The following LATS2 variants were observed in gnomAD, a reference collection of about 807,000 sequenced individuals.
LATS2 encodes the protein large tumor suppressor kinase 2, also known as serine/threonine-protein kinase LATS2.
In LATS2, 24 loss-of-function variants were observed where a neutral mutation model predicts 76.0. That is an observed-to-expected ratio of 0.32 (90% CI 0.23 to 0.44). LATS2 has a LOEUF of 0.44. Among genes scored for constraint, LATS2 ranks in the 20% least tolerant of loss-of-function variants. LATS2 has a pLI of 1.00. For missense variants in LATS2, 1,286 were observed against 1,481.2 expected (o/e 0.87, Z 2.16); for synonymous variants, 692 against 635.4 (o/e 1.09, Z -1.34).
At chr13:20,978,509 C>T (rs1043801295) in intron 7 of LATS2, among the ~76,000 whole-genome samples, 4 of 152,134 alleles carry the variant, frequency 2.6e-5, no homozygotes, top group African/African-American at 4.8e-5. Context: ...CTAGCCTGAC[C>T]ACATAGCTGA....
At chr13:21,030,009 A>G (rs1872458027) in intron 2 of LATS2, among the ~76,000 whole-genome samples, 2 of 151,898 alleles carry the variant, frequency 1.3e-5, no homozygotes, top group African/African-American at 4.8e-5. Flanking sequence ...CTGTAATCCC[A>G]GCTACTCAGG....
In LATS2 at chr13:20,989,042, G is replaced by C. The variant is rs747132216; in HGVS notation, c.738C>G (p.Phe246Leu). ...GCCCGTAGTGCGCGCCCTGCAGCGGGAAGTGTGCCCCTGCTGCCTCTACGC... is the reference window on the plus strand; with the variant it reads ...GCCCGTAGTGCGCGCCCTGCAGCGGCAAGTGTGCCCCTGCTGCCTCTACGC... ...GASVEAAGAHFPLQGAHYGRP... is the reference protein window; with the variant it reads ...GASVEAAGAHLPLQGAHYGRP... The change falls in exon 4 of 8, where the codon TTC becomes TTG. Residue 246 changes from phenylalanine (F) to leucine (L), a missense_variant. This residue lies in a region of LATS2 where 710 missense variants were observed against 660.9 expected (regional missense o/e 1.07). Transcript: ENST00000382592. The C allele has an allele frequency of 6.4e-7, 1 of 1,570,866 alleles. No homozygotes were observed. The highest frequency in any genetic ancestry group is 1.3e-5 in the African/African-American group (1 of 74,254).
At chr13:21,004,657 C>T (rs1407618738) in intron 2 of LATS2, among the ~76,000 whole-genome samples, 1 of 152,178 alleles carries the variant, frequency 6.6e-6, no homozygotes, top group Non-Finnish European at 1.5e-5. Context: ...AGGCACACAT[C>T]TGCTTTGGCA....
chr13:20,994,596 A>G (rs1595221079), intron 2 of LATS2, among the ~76,000 whole-genome samples: 2 of 152,270 alleles, frequency 1.3e-5, no homozygotes, highest in East Asian at 3.9e-4. Flanking sequence ...TCCTTTCTTA[A>G]GCATGTATGG....
In LATS2 at chr13:20,974,941, C is replaced by T; in HGVS notation, c.3196G>A (p.Ala1066Thr). Residue 1066 changes from alanine to threonine, a missense_variant, in exon 8 of 8, where the codon GCT (alanine) becomes ACT (threonine). Physicochemically the swap from Ala to Thr is moderately conservative, Grantham distance 58. Coordinates refer to ENST00000382592, the MANE Select transcript of LATS2 (RefSeq NM_014572.3). ...PKPSGAEASQ[A>T]ESSDLESSDL... is the part of the protein sequence containing the mutation. ...GAGCTTTCTAAATCTGAGCTCTCAG[C>T]CTGTGAAGCTTCTGCTCCTGAAGGC... is the stretch of plus-strand genomic sequence containing the variant. The T allele has an allele frequency of 6.2e-7, 1 of 1,614,174 alleles. No individual in the cohort carries two copies. Among genetic ancestry groups the T allele is most frequent in the South Asian group, 1.1e-5 (1 of 91,080 alleles).
chr13:20,978,291 A>G (rs1869718306), intron 7 of LATS2, among the ~76,000 whole-genome samples: 2 of 152,008 alleles, frequency 1.3e-5, no homozygotes, highest in South Asian at 4.1e-4. Flanking sequence ...GGTGGCTCAC[A>G]TGACCACCAG....
intron 1 of LATS2, among the ~76,000 whole-genome samples, chr13:21,055,780 A>G (rs1416021955): frequency 6.6e-6 from 1 of 152,242 alleles, no homozygotes. Flanking sequence ...CTAAAATTCC[A>G]GCTATTATTT....
Position 20,974,746 on chromosome 13 carries a change from G to C in LATS2, c.*124C>G. 1 of 1,022,890 alleles carries C rather than the reference G, an allele frequency of 9.8e-7. No homozygotes were observed. Among genetic ancestry groups the C allele is most frequent in the South Asian group, 1.7e-5 (1 of 59,168 alleles). 63.4% of individuals were successfully genotyped at this position (1,022,890 alleles called of 1,614,324 possible). ...TTCTTGGTGAAGAGCAGAATTTCAA[G>C]TGAAGTAATCGACGGACTAATTTAA... On this transcript the variant is annotated 3_prime_UTR_variant, in exon 8 of 8. Coordinates refer to ENST00000382592, the MANE Select transcript of LATS2 (RefSeq NM_014572.3).
intron 7 of LATS2, among the ~76,000 whole-genome samples, chr13:20,978,855 G>A (rs1035634689): frequency 5.3e-5 from 8 of 151,888 alleles, no homozygotes; most frequent in African/African-American, 1.9e-4. Context: ...TCTGCTTCCT[G>A]GGTTCAAGTG....
At chr13:21,027,970 T>A (rs1872374417) in intron 2 of LATS2, among the ~76,000 whole-genome samples, 1 of 152,102 alleles carries the variant, frequency 6.6e-6, no homozygotes, top group African/African-American at 2.4e-5. Flanking sequence ...AGGGTACATG[T>A]GCACAATGTG....
intron 1 of LATS2, among the ~76,000 whole-genome samples, chr13:21,047,955 T>G (rs1873131664): frequency 6.6e-6 from 1 of 152,218 alleles, no homozygotes; most frequent in Non-Finnish European, 1.5e-5. Flanking sequence ...TTTCTCAACA[T>G]GAAATCCCTA....
Position 20,973,989 on chromosome 13 carries a change from C to A in LATS2, c.*881G>T. 1 of 179,424 alleles carries A rather than the reference C, an allele frequency of 5.6e-6. No homozygotes were observed. The highest frequency in any genetic ancestry group is 1.1e-5 in the Non-Finnish European group (1 of 92,754). 11.1% of individuals were successfully genotyped at this position (179,424 alleles called of 1,614,324 possible). A position where few individuals can be genotyped will look rare whatever the true frequency, so the allele number is the denominator to read the frequency against. On this transcript the variant is annotated 3_prime_UTR_variant, in exon 8 of 8. Transcript: ENST00000382592. ...TTTCAGTTCCCCCCCCCCAAAGAAT[C>A]CAATCACAACCAAGACACACACACA...
chr13:20,996,841 C>T (rs1458895134), intron 2 of LATS2, among the ~76,000 whole-genome samples: 1 of 152,180 alleles, frequency 6.6e-6, no homozygotes, highest in African/African-American at 2.4e-5. Flanking sequence ...ACCTGGAGCC[C>T]TTATCTGCTA....
Position 21,028,759 on chromosome 13 carries a change from G to A in LATS2, c.342+16926C>T, listed in dbSNP as rs182831384. ...CTAATTTTTGTATTTTAGTAGAGACGGGATTTCACCATGTTGGCCAGGATG... is the reference window on the plus strand; with the variant it reads ...CTAATTTTTGTATTTTAGTAGAGACAGGATTTCACCATGTTGGCCAGGATG... On this transcript the variant is annotated intron_variant, in intron 2 of 7. Coordinates refer to ENST00000382592, the MANE Select transcript of LATS2 (RefSeq NM_014572.3). Among the ~76,000 whole-genome samples, 297 of 152,146 alleles carry A rather than the reference G, an allele frequency of 2.0e-3. 2 individuals are homozygous for A. Among genetic ancestry groups the A allele is most frequent in the Admixed American group, 3.1e-3 (47 of 15,270 alleles).
Position 20,979,554 on chromosome 13 carries a change from T to G in LATS2, c.2772+137A>C, listed in dbSNP as rs1869775250. 3 of 419,920 alleles carry G rather than the reference T, an allele frequency of 7.1e-6. No individual in the cohort carries two copies. In the Admixed American group the frequency reaches 1.3e-4, roughly 18 times the overall value. 26.0% of individuals were successfully genotyped at this position (419,920 alleles called of 1,614,324 possible). Reference sequence around the variant, plus strand: ...ATAATTTAAAAAATAATGAGATTATTTTTAAAAATCCCATCCTATACAACT... The same window carrying G: ...ATAATTTAAAAAATAATGAGATTATGTTTAAAAATCCCATCCTATACAACT... On this transcript the variant is annotated intron_variant, in intron 7 of 7. Coordinates refer to ENST00000382592, the MANE Select transcript of LATS2 (RefSeq NM_014572.3).
chr13:21,039,144 GA>G (rs1408282972), intron 2 of LATS2, among the ~76,000 whole-genome samples: 1 of 150,728 alleles, frequency 6.6e-6, no homozygotes, highest in Non-Finnish European at 1.5e-5. Context: ...AAGCCACTAA[GA>G]AAAAAAAAGG....
intron 2 of LATS2, among the ~76,000 whole-genome samples, chr13:21,023,745 G>T (rs12584444): frequency 0.092 from 13,779 of 148,966 alleles, 1,230 homozygotes; most frequent in East Asian, 0.44. Context: ...AGGCTGAGCC[G>T]CGTGGATCAC....
chr13:20,984,797 A>G (rs1226371656), intron 4 of LATS2, among the ~76,000 whole-genome samples: 1 of 152,204 alleles, frequency 6.6e-6, no homozygotes, highest in Non-Finnish European at 1.5e-5. Context: ...AATACCAATG[A>G]TATTTTTCAC....
chr13:21,000,046 G>T (rs527390685), intron 2 of LATS2, among the ~76,000 whole-genome samples: 1 of 152,030 alleles, frequency 6.6e-6, no homozygotes, highest in Non-Finnish European at 1.5e-5. Context: ...ATAAAATAAA[G>T]AGCATTTTAC....
Sources: allele counts gnomAD v4.1 joint callset (sites outside exome capture counted in the v4.1 genomes callset), GRCh38; gene constraint gnomAD v4.1.1; regional missense constraint gnomAD v4.1.1; transcripts MANE v1.5; gene names NCBI Gene and HGNC (gene_info 2026-07-23, HGNC 2026-07-21).